CHURC1: variants seen among roughly 807,000 people sequenced by gnomAD.
CHURC1 encodes protein Churchill.
In CHURC1, 12 loss-of-function variants were observed where a neutral mutation model predicts 15.4. The ratio of observed to expected loss-of-function variants is 0.78; its 90% CI spans 0.50 to 1.27. The LOEUF (loss-of-function observed/expected upper bound fraction) is 1.27. Ranked by LOEUF, CHURC1 falls within the 50% of genes most tolerant of loss-of-function variation. The probability of loss-of-function intolerance (pLI) is 0.00; values close to 1 mark genes in which losing one functional copy is unlikely to be tolerated. For synonymous variants in CHURC1, 42 were observed against 47.5 expected, an observed-to-expected ratio of 0.88 and a Z score of 0.48; for missense variants, 132 against 137.8, an observed-to-expected ratio of 0.96 and a Z score of 0.21.
At chr14:64,914,649 C>T (rs915254941) in intron 1 of CHURC1, 115 bp downstream of exon 1, 9 of 1,561,554 alleles carry the variant, frequency 5.8e-6, no homozygotes, top group Non-Finnish European at 6.9e-6. Context: ...CTGCCGGTCC[C>T]GGTGACCCAG....
chr14:64,917,901 AT>A (rs1261122015), intron 1 of CHURC1, among the ~76,000 whole-genome samples: 2 of 152,220 alleles, frequency 1.3e-5, no homozygotes, highest in Non-Finnish European at 2.9e-5. Context: ...AAATGGTCAA[AT>A]TGTTATTAAT....
chr14:64,918,400 C>G (rs1001899570), intron 1 of CHURC1, among the ~76,000 whole-genome samples: 3 of 152,184 alleles, frequency 2.0e-5, no homozygotes, highest in Non-Finnish European at 4.4e-5. Context: ...TAGAGACTAA[C>G]TGACCATTTG....
intron 3 of CHURC1, among the ~76,000 whole-genome samples, chr14:64,929,651 C>T (rs1262145156): frequency 6.6e-6 from 1 of 152,148 alleles, no homozygotes; most frequent in Non-Finnish European, 1.5e-5. Flanking sequence ...GTACACTACC[C>T]ATCTTCAAGT....
chr14:64,932,281 G>T lies in CHURC1; in HGVS notation c.*51G>T, dbSNP rs1367675246. Reference sequence around the variant, plus strand: ...CTATATTGTGTTGGTTTACAATACAGCAAGCCTGATGGTTTGTCTTATTTC... The same window carrying T: ...CTATATTGTGTTGGTTTACAATACATCAAGCCTGATGGTTTGTCTTATTTC... On this transcript the variant is annotated 3_prime_UTR_variant, in exon 4 of 4. Coordinates refer to ENST00000549115, the MANE Select transcript of CHURC1 (RefSeq NM_001386928.1). The T allele has an allele frequency of 6.3e-7, 1 of 1,590,000 alleles. No homozygotes were observed. The highest frequency in any genetic ancestry group is 1.7e-5 in the Admixed American group (1 of 57,374).
At chr14:64,925,841 T>G (rs1884659155) in intron 2 of CHURC1, among the ~76,000 whole-genome samples, 169 bp from the exon 3 acceptor site, 1 of 152,160 alleles carries the variant, frequency 6.6e-6, no homozygotes, top group Non-Finnish European at 1.5e-5. Context: ...ATGTGGCAGA[T>G]TCTGAATCTT....
intron 3 of CHURC1, among the ~76,000 whole-genome samples, chr14:64,928,684 C>G (rs1428863341): frequency 2.2e-5 from 3 of 138,290 alleles, no homozygotes; most frequent in Non-Finnish European, 4.5e-5. Context: ...CTGTGACTGC[C>G]TTAGTTCTTT....
chr14:64,915,510 G>T (rs1043462044), intron 1 of CHURC1, among the ~76,000 whole-genome samples: 1 of 152,198 alleles, frequency 6.6e-6, no homozygotes, highest in African/African-American at 2.4e-5. Flanking sequence ...TTGTAATTAG[G>T]GTAGAAAAGA....
At chr14:64,925,096 T>TGG (rs1368449240) in intron 2 of CHURC1, among the ~76,000 whole-genome samples, 1 of 152,254 alleles carries the variant, frequency 6.6e-6, no homozygotes, top group Non-Finnish European at 1.5e-5. Context: ...GTTTGAATTC[T>TGG]GGTTCCAATA....
chr14:64,915,636 T>G (rs1883831109), intron 1 of CHURC1, among the ~76,000 whole-genome samples: 1 of 152,216 alleles, frequency 6.6e-6, no homozygotes, highest in Non-Finnish European at 1.5e-5. Context: ...GGGTAATACT[T>G]AGGCTTTTGA....
Position 64,916,992 on chromosome 14 carries a change from T to C in CHURC1, c.39+2458T>C, listed in dbSNP as rs78289265. On this transcript the variant is annotated intron_variant, in intron 1 of 3. Coordinates refer to ENST00000549115, the MANE Select transcript of CHURC1 (RefSeq NM_001386928.1). The stretch of plus-strand genomic sequence containing the variant: ...ATCAAAATTTTAATAGAGAAATGAT[T>C]CTGAAATCTGTTATTTAGGAAAATG... Among the ~76,000 whole-genome samples, 1,337 of 152,338 alleles carry C rather than the reference T, an allele frequency of 8.8e-3. 15 individuals carry two copies. Among genetic ancestry groups the C allele is most frequent in the Middle Eastern group, 0.041 (12 of 294 alleles).
chr14:64,914,779 C>T (rs904954057), intron 1 of CHURC1, among the ~76,000 whole-genome samples: 3 of 152,220 alleles, frequency 2.0e-5, no homozygotes, highest in Non-Finnish European at 4.4e-5. Context: ...AACAGAGGAA[C>T]CCCACCACCA....
intron 1 of CHURC1, among the ~76,000 whole-genome samples, chr14:64,921,644 A>G (rs1884306414): frequency 6.6e-6 from 1 of 152,246 alleles, no homozygotes; most frequent in South Asian, 2.1e-4. Flanking sequence ...GCAAAAATAA[A>G]AAGCAGTACC....
intron 3 of CHURC1, among the ~76,000 whole-genome samples, chr14:64,931,159 G>T (rs1326964209): frequency 6.6e-6 from 1 of 152,188 alleles, no homozygotes; most frequent in African/African-American, 2.4e-5. Flanking sequence ...CAGAGAAAAA[G>T]GCTTTTAAAT....
At chr14:64,916,492 C>T (rs1411608942) in intron 1 of CHURC1, among the ~76,000 whole-genome samples, 1 of 152,064 alleles carries the variant, frequency 6.6e-6, no homozygotes, top group African/African-American at 2.4e-5. Flanking sequence ...TTTTATGAAA[C>T]CAGTAATAAA....
chr14:64,925,696 C>CA (rs3033506), intron 2 of CHURC1, among the ~76,000 whole-genome samples: 3,084 of 65,904 alleles, frequency 0.047, 92 homozygotes, highest in Middle Eastern at 0.13. Flanking sequence ...GACCCGGCCT[C>CA]AAAAAAAAAA....
Position 64,924,011 on chromosome 14 carries a change from T to A in CHURC1, c.60T>A (p.Asn20Lys), listed in dbSNP as rs147829082. The A allele has an allele frequency of 3.4e-4, 525 of 1,566,236 alleles. 3 individuals are homozygous for A. In the African/African-American group the frequency reaches 5.2e-3, roughly 15 times the overall value. Residue 20 changes from asparagine to lysine, a missense_variant, in exon 2 of 4, where the codon AAT (asparagine) becomes AAA (lysine). Coordinates refer to ENST00000549115, the MANE Select transcript of CHURC1 (RefSeq NM_001386928.1). Reference sequence around the variant, plus strand: ...TTTAGGGTAATACCTGCCTGGAGAATGGATCTTTCTTACTGAACTTTACAG... The same window carrying A: ...TTTAGGGTAATACCTGCCTGGAGAAAGGATCTTTCTTACTGAACTTTACAG... ...YPNRGNTCLE[N>K]GSFLLNFTGC...
chr14:64,917,435 C>T (rs145381094), intron 1 of CHURC1, among the ~76,000 whole-genome samples: 5,508 of 151,676 alleles, frequency 0.036, 118 homozygotes, highest in Non-Finnish European at 0.058. Context: ...TGGTGGGAGG[C>T]GCCTGTAATC....
At chr14:64,930,753 T>C (rs1249134039) in intron 3 of CHURC1, 6 of 434,570 alleles carry the variant, frequency 1.4e-5, no homozygotes, top group South Asian at 9.9e-5. Context: ...TCACACATTT[T>C]CTCTTTTTGA....
intron 1 of CHURC1, among the ~76,000 whole-genome samples, chr14:64,914,943 AC>A (rs1289439037): frequency 1.3e-5 from 2 of 152,196 alleles, no homozygotes; most frequent in East Asian, 3.8e-4. Flanking sequence ...AGATGAAGAA[AC>A]CGATGCCCAG....
Sources: gnomAD v4.1 joint callset for allele counts (sites outside exome capture counted in the v4.1 genomes callset) on GRCh38, gnomAD v4.1.1 for gene constraint, MANE v1.5 for transcripts, NCBI Gene and HGNC (gene_info 2026-07-23, HGNC 2026-07-21) for gene names.